The following YES1 variants were observed in gnomAD, a reference collection of about 807,000 sequenced individuals.
YES1 encodes the protein tyrosine-protein kinase Yes.
In YES1, 39 loss-of-function variants were observed where a neutral mutation model predicts 70.4. The ratio of observed to expected loss-of-function variants is 0.55; its 90% CI spans 0.43 to 0.72. The LOEUF (loss-of-function observed/expected upper bound fraction) is 0.72, where lower values mean the gene tolerates loss of function less well. YES1 is among the 30% of genes least tolerant of loss of function. YES1 has a pLI of 0.00. For synonymous variants in YES1, 198 were observed against 218.6 expected (o/e 0.91, Z 0.83); for missense variants, 495 against 644.8 (o/e 0.77, Z 2.52).
intron 1 of YES1, among the ~76,000 whole-genome samples, chr18:811,293 A>G (rs1042296244): frequency 6.6e-5 from 10 of 152,214 alleles, no homozygotes; most frequent in Non-Finnish European, 1.5e-4. Flanking sequence ...GTATCAATTA[A>G]TTATGCAGAA....
intron 1 of YES1, among the ~76,000 whole-genome samples, chr18:809,943 A>G (rs912000550): frequency 1.3e-5 from 2 of 150,568 alleles, no homozygotes; most frequent in African/African-American, 4.9e-5. Flanking sequence ...CTTCCCATAT[A>G]TTTCCCTTCA....
At chr18:775,702 T>G (rs377717384) in intron 1 of YES1, among the ~76,000 whole-genome samples, 1 of 151,976 alleles carries the variant, frequency 6.6e-6, no homozygotes, top group East Asian at 1.9e-4. Flanking sequence ...GAGGCTGAGG[T>G]TGGAGGATCG....
intron 11 of YES1, among the ~76,000 whole-genome samples, chr18:725,754 C>T (rs2080010670): frequency 6.6e-6 from 1 of 152,144 alleles, no homozygotes; most frequent in African/African-American, 2.4e-5. Context: ...GGCATGATGG[C>T]AGGTGCCTGT....
intron 1 of YES1, among the ~76,000 whole-genome samples, chr18:766,437 T>C (rs1904912452): frequency 6.6e-6 from 1 of 152,028 alleles, no homozygotes; most frequent in Admixed American, 6.5e-5. Flanking sequence ...CGCAAAGGGA[T>C]AGCACTACAT....
intron 1 of YES1, among the ~76,000 whole-genome samples, chr18:771,921 G>C (rs1307733101): frequency 6.6e-6 from 1 of 152,118 alleles, no homozygotes; most frequent in African/African-American, 2.4e-5. Context: ...CTTTTGGACT[G>C]AAGAAGGGAT....
At chr18:757,313 C>A (rs9946749) in intron 1 of YES1, among the ~76,000 whole-genome samples, 1,808 of 151,620 alleles carry the variant, frequency 0.012, 16 homozygotes, top group African/African-American at 0.023. Context: ...ACCATCCTGG[C>A]TAACACGGTG....
intron 1 of YES1, among the ~76,000 whole-genome samples, chr18:807,096 C>A (rs1907137205): frequency 6.6e-6 from 1 of 152,024 alleles, no homozygotes; most frequent in African/African-American, 2.4e-5. Context: ...ACGGTGAGAC[C>A]CCATCTCTCC....
At position 742,911 on chromosome 18, in the gene YES1, T is replaced by TA; in HGVS notation, c.1060+6dup. 6.3e-7 allele frequency: 1 copy of TA among 1,579,466 alleles called. No individual in the cohort carries two copies. The highest frequency in any genetic ancestry group is 1.4e-5 in the African/African-American group (1 of 73,698). On this transcript the variant is annotated splice_region_variant and intron_variant, in intron 8 of 11. Coordinates refer to ENST00000314574, the MANE Select transcript of YES1 (RefSeq NM_005433.4). ...ACACAAATACCTAAGGAGATACTAATACATACCTTTTGACATAAATTCAGT... is the reference window on the plus strand; with the variant it reads ...ACACAAATACCTAAGGAGATACTAATAACATACCTTTTGACATAAATTCAGT...
At chr18:757,482 G>C (rs1314643482) in intron 1 of YES1, among the ~76,000 whole-genome samples, 3 of 138,020 alleles carry the variant, frequency 2.2e-5, no homozygotes, top group African/African-American at 5.5e-5. Context: ...CAGCCTGGGC[G>C]ACAGAGCGAG....
chr18:732,716 G>A, intron 11 of YES1, 118 bp downstream of exon 11: 6 of 1,307,154 alleles, frequency 4.6e-6, no homozygotes, highest in East Asian at 2.3e-5. Context: ...GGGAGAGGGA[G>A]AGGCAGGGGG....
chr18:727,705 C>T (rs895053307), intron 11 of YES1, among the ~76,000 whole-genome samples: 1 of 152,164 alleles, frequency 6.6e-6, no homozygotes, highest in African/African-American at 2.4e-5. Flanking sequence ...CGGTTTACCT[C>T]TTATTCCCTG....
Position 756,836 on chromosome 18 carries a change from C to G in YES1, c.-8-1G>C. The stretch of plus-strand genomic sequence containing the variant: ...CTTTTAATGCAGCCCATTATCAAAT[C>G]TACAGAGACAATAAAATATTTTGAG... On this transcript the variant is annotated splice_acceptor_variant, in intron 1 of 11. Coordinates refer to ENST00000314574, the MANE Select transcript of YES1 (RefSeq NM_005433.4). LOFTEE classifies it low-confidence loss of function (5UTR_SPLICE). 1 of 1,608,756 alleles carries G rather than the reference C, an allele frequency of 6.2e-7. No homozygotes were observed. Among genetic ancestry groups the G allele is most frequent in the Non-Finnish European group, 8.5e-7 (1 of 1,177,218 alleles).
rs116004625 is a variant in YES1, at chr18:748,602, C to T, written c.372-584G>A. On this transcript the variant is annotated intron_variant, in intron 3 of 11. Transcript: ENST00000314574. ...CAGCTTTCTGTCTCTATGGATATGC[C>T]CACTGCATGCACCTTATATAAATGA... 4.2e-3 allele frequency among the ~76,000 whole-genome samples: 641 copies of T among 152,108 alleles called. 5 individuals are homozygous for T. The highest frequency in any genetic ancestry group is 0.015 in the African/African-American group (605 of 41,510).
intron 1 of YES1, among the ~76,000 whole-genome samples, chr18:757,092 T>C (rs1568199782): frequency 6.6e-6 from 1 of 152,288 alleles, no homozygotes; most frequent in Middle Eastern, 3.4e-3. Context: ...TGCCACAGTA[T>C]ATTGGGAAAA....
At chr18:789,723 T>C (rs938807236) in intron 1 of YES1, among the ~76,000 whole-genome samples, 1 of 151,930 alleles carries the variant, frequency 6.6e-6, no homozygotes, top group Non-Finnish European at 1.5e-5. Flanking sequence ...ACAAATGAGT[T>C]GAGGAATTTA....
At chr18:747,752 T>C (rs926784485) in intron 4 of YES1, among the ~76,000 whole-genome samples, 168 bp downstream of exon 4, 1 of 152,220 alleles carries the variant, frequency 6.6e-6, no homozygotes, top group Non-Finnish European at 1.5e-5. Context: ...TCTAAGTGAA[T>C]AGTATGACAT....
chr18:778,126 AC>A (rs765124743), intron 1 of YES1, among the ~76,000 whole-genome samples: 7 of 152,200 alleles, frequency 4.6e-5, no homozygotes, highest in Non-Finnish European at 1.0e-4. Flanking sequence ...TCTACATTTT[AC>A]ATTTGAAGAA....
chr18:808,331 G>A (rs1355206004), intron 1 of YES1, among the ~76,000 whole-genome samples: 1 of 152,142 alleles, frequency 6.6e-6, no homozygotes, highest in African/African-American at 2.4e-5. Context: ...GGAGCTGGAT[G>A]GTTAGTAATC....
intron 1 of YES1, among the ~76,000 whole-genome samples, chr18:807,741 C>T (rs542913729): frequency 2.6e-5 from 4 of 152,270 alleles, no homozygotes; most frequent in Non-Finnish European, 5.9e-5. Flanking sequence ...ATTCAGGCAG[C>T]CACCACGGAT....
Sources: gnomAD v4.1 joint callset for allele counts (sites outside exome capture counted in the v4.1 genomes callset) on GRCh38, gnomAD v4.1.1 for gene constraint, MANE v1.5 for transcripts, NCBI Gene and HGNC (gene_info 2026-07-23, HGNC 2026-07-21) for gene names.